Variants in RBFOX1 observed in about 807,000 individuals in gnomAD.
RBFOX1 encodes the protein RNA binding fox-1 homolog 1, also known as RNA binding protein fox-1 homolog 1.
A neutral mutation model predicts 57.7 loss-of-function variants in RBFOX1; 8 were observed. The observed-to-expected ratio is 0.14, with a 90% confidence interval of 0.08 to 0.25. RBFOX1 has a LOEUF of 0.25. Ranked by LOEUF, RBFOX1 falls within the 10% of genes least tolerant of loss-of-function variation. The probability of loss-of-function intolerance (pLI) is 1.00; values close to 1 mark genes in which losing one functional copy is unlikely to be tolerated. For missense variants in RBFOX1, 611 were observed against 548.5 expected, an observed-to-expected ratio of 1.11 and a Z score of -1.14; for synonymous variants, 326 against 222.4, an observed-to-expected ratio of 1.47 and a Z score of -4.15.
At chr16:5,944,790 T>TAAAACAAAAA (rs2059360811) in intron 4 of RBFOX1, among the ~76,000 whole-genome samples, 1 of 41,258 alleles carries the variant, frequency 2.4e-5, no homozygotes. Context: ...CTGTCTCTGC[T>TAAAACAAAAA]AAAAAAAAAA....
rs551550655 is a variant in RBFOX1, at chr16:6,427,490, C to T, written c.-64+110433C>T. ...TGAGAATTTAGACAGCAAAGCTTAC[C>T]AGTATGAAGCAGAAAAAGGCAAAAT... On this transcript the variant is annotated intron_variant, in intron 2 of 15. Coordinates refer to ENST00000550418, the MANE Select transcript of RBFOX1 (RefSeq NM_018723.4). Among the ~76,000 whole-genome samples the T allele has an allele frequency of 9.2e-5, 14 of 152,098 alleles. No individual in the cohort carries two copies. In the South Asian group the frequency reaches 1.2e-3, roughly 14 times the overall value.
At chr16:6,807,730 C>T (rs1175333511) in intron 3 of RBFOX1, among the ~76,000 whole-genome samples, 2 of 152,038 alleles carry the variant, frequency 1.3e-5, no homozygotes, top group Non-Finnish European at 2.9e-5. Context: ...GCAGAAGAAT[C>T]ACTTGAATCC....
chr16:5,425,761 G>A (rs1396270739), intron 1 of RBFOX1, among the ~76,000 whole-genome samples: 1 of 152,132 alleles, frequency 6.6e-6, no homozygotes, highest in Non-Finnish European at 1.5e-5. Context: ...CTGTCCTCAG[G>A]TTCCCACCTC....
chr16:5,830,519 C>T (rs113088333), intron 3 of RBFOX1, among the ~76,000 whole-genome samples: 5 of 151,972 alleles, frequency 3.3e-5, no homozygotes, highest in African/African-American at 7.3e-5. Flanking sequence ...GTATGACCCT[C>T]GGGAGAAAGG....
At chr16:6,112,159 T>A (rs933605410) in intron 1 of RBFOX1, among the ~76,000 whole-genome samples, 6 of 152,186 alleles carry the variant, frequency 3.9e-5, no homozygotes, top group African/African-American at 1.4e-4. Flanking sequence ...ACCATTAAGT[T>A]CTTCATTGTT....
chr16:5,994,501 A>G (rs1305830465), intron 4 of RBFOX1, among the ~76,000 whole-genome samples: 1 of 152,174 alleles, frequency 6.6e-6, no homozygotes, highest in Non-Finnish European at 1.5e-5. Context: ...GATTTTTCCA[A>G]GTGGTCCTGG....
intron 2 of RBFOX1, among the ~76,000 whole-genome samples, chr16:6,541,129 T>G (rs2096810788): frequency 6.6e-6 from 1 of 152,214 alleles, no homozygotes; most frequent in Admixed American, 6.5e-5. Flanking sequence ...GAAAATAACC[T>G]GAGTGTTCAC....
At chr16:6,964,975 C>T (rs904423194) in intron 3 of RBFOX1, among the ~76,000 whole-genome samples, 9 of 152,142 alleles carry the variant, frequency 5.9e-5, no homozygotes, top group African/African-American at 2.2e-4. Flanking sequence ...GCGAGTGTGG[C>T]CTATCCTACG....
intron 2 of RBFOX1, among the ~76,000 whole-genome samples, chr16:5,572,674 G>C (rs555576765): frequency 6.6e-6 from 1 of 152,286 alleles, no homozygotes; most frequent in African/African-American, 2.4e-5. Flanking sequence ...AGGGGAGAGA[G>C]GAATCCTTGA....
intron 1 of RBFOX1, among the ~76,000 whole-genome samples, chr16:6,295,738 G>A (rs2078025384): frequency 6.6e-6 from 1 of 152,182 alleles, no homozygotes; most frequent in Non-Finnish European, 1.5e-5. Flanking sequence ...TTCCTGAAAT[G>A]AGGAGGGGAC....
chr16:7,463,264 G>C (rs1424121230), intron 4 of RBFOX1, among the ~76,000 whole-genome samples: 1 of 152,162 alleles, frequency 6.6e-6, no homozygotes. Context: ...AGCACTTTGG[G>C]AGGCCATGGT....
At chr16:6,939,520 C>CT (rs1021370936) in intron 3 of RBFOX1, among the ~76,000 whole-genome samples, 21 of 95,942 alleles carry the variant, frequency 2.2e-4, no homozygotes, top group East Asian at 3.1e-4. Flanking sequence ...TTTTTTTTTT[C>CT]TTTTTTTTGA....
chr16:5,264,661 A>C (rs1480284055), intron 1 of RBFOX1, among the ~76,000 whole-genome samples: 1 of 152,178 alleles, frequency 6.6e-6, no homozygotes, highest in African/African-American at 2.4e-5. Context: ...TCCTGTCTTC[A>C]TGCATTGCCC....
At chr16:6,751,883 G>A (rs1423022485) in intron 3 of RBFOX1, among the ~76,000 whole-genome samples, 1 of 152,126 alleles carries the variant, frequency 6.6e-6, no homozygotes, top group African/African-American at 2.4e-5. Context: ...ATGGAGATGC[G>A]CTGCTGGTTT....
intron 3 of RBFOX1, among the ~76,000 whole-genome samples, chr16:5,721,513 G>A (rs998421234): frequency 9.9e-5 from 15 of 152,164 alleles, no homozygotes; most frequent in African/African-American, 3.4e-4. Flanking sequence ...TTGAATAGAT[G>A]AGATGACAGT....
At chr16:7,330,472 CTGTGTGTGTG>C (rs71391624) in intron 4 of RBFOX1, among the ~76,000 whole-genome samples, 8 of 94,424 alleles carry the variant, frequency 8.5e-5, no homozygotes, top group South Asian at 8.1e-4. Context: ...ATGGAGAGCT[CTGTGTGTGTG>C]TGTGTGTGTG....
intron 1 of RBFOX1, among the ~76,000 whole-genome samples, chr16:5,373,097 G>A (rs947120704): frequency 6.6e-6 from 1 of 152,226 alleles, no homozygotes; most frequent in Admixed American, 6.5e-5. Context: ...AAGGCAGTGT[G>A]GAAAGGATGG....
chr16:6,038,217 T>C (rs980894600), intron 1 of RBFOX1: 1 of 149,882 alleles, frequency 6.7e-6, no homozygotes, highest in Non-Finnish European at 1.5e-5. Flanking sequence ...TAACTCACCC[T>C]GTCATCCAGG....
intron 2 of RBFOX1, among the ~76,000 whole-genome samples, chr16:5,590,341 A>C (rs566198970): frequency 1.3e-5 from 2 of 152,300 alleles, no homozygotes; most frequent in South Asian, 4.1e-4. Context: ...GGTAAATTTT[A>C]TCTCTCATTT....
Sources: allele counts gnomAD v4.1 joint callset (sites outside exome capture counted in the v4.1 genomes callset), GRCh38; gene constraint gnomAD v4.1.1; transcripts MANE v1.5; gene names NCBI Gene and HGNC (gene_info 2026-07-23, HGNC 2026-07-21).